The following XKR9 variants were observed in gnomAD, a reference collection of about 807,000 sequenced individuals.
XKR9 encodes the protein XK related 9.
A neutral mutation model predicts 32.0 loss-of-function variants in XKR9; 32 were observed. The ratio of observed to expected loss-of-function variants is 1.00; its 90% CI spans 0.76 to 1.34. The LOEUF (loss-of-function observed/expected upper bound fraction) is 1.34. Among genes scored for constraint, XKR9 ranks in the 40% most tolerant of loss-of-function variants. XKR9 has a pLI of 0.00. For missense variants in XKR9, 546 were observed against 429.7 expected (o/e 1.27, Z -2.39); for synonymous variants, 168 against 143.4 (o/e 1.17, Z -1.22).
At chr8:70,897,926 A>C in the XKR9 span, among the ~76,000 whole-genome samples, 2 of 152,196 alleles carry the variant, frequency 1.3e-5, no homozygotes, top group African/African-American at 4.8e-5. Flanking sequence ...GATATTACTC[A>C]AGAAATGTAA....
chr8:70,928,761 C>T, the XKR9 span, among the ~76,000 whole-genome samples: 1 of 152,170 alleles, frequency 6.6e-6, no homozygotes. Flanking sequence ...AGCTTGTTCT[C>T]ATCTCCCAGC....
intron 3 of XKR9, among the ~76,000 whole-genome samples, chr8:70,692,805 C>G (rs932809791): frequency 1.3e-5 from 2 of 152,106 alleles, no homozygotes; most frequent in African/African-American, 4.8e-5. Context: ...GTCTCAAACT[C>G]CCGACCTCAG....
chr8:70,936,976 A>G, the XKR9 span, among the ~76,000 whole-genome samples: 1 of 152,016 alleles, frequency 6.6e-6, no homozygotes, highest in African/African-American at 2.4e-5. Context: ...AGGAATAGAA[A>G]TGGGACATAC....
At chr8:70,704,698 G>T (rs762137493) in intron 3 of XKR9, among the ~76,000 whole-genome samples, 7 of 152,102 alleles carry the variant, frequency 4.6e-5, no homozygotes, top group Non-Finnish European at 8.8e-5. Flanking sequence ...GTTTATACTT[G>T]TGAATTTCTC....
the XKR9 span, among the ~76,000 whole-genome samples, chr8:70,942,650 T>C: frequency 6.6e-6 from 1 of 152,168 alleles, no homozygotes; most frequent in African/African-American, 2.4e-5. Context: ...ACACTTACTT[T>C]ATTGACCATG....
chr8:70,717,160 G>C (rs762048400), intron 4 of XKR9, among the ~76,000 whole-genome samples: 1 of 152,160 alleles, frequency 6.6e-6, no homozygotes, highest in Non-Finnish European at 1.5e-5. Flanking sequence ...TCCTGGCCTG[G>C]CATTGAGTGT....
intron 2 of XKR9, among the ~76,000 whole-genome samples, chr8:70,749,692 G>A (rs571769849): frequency 2.8e-4 from 43 of 152,298 alleles, no homozygotes; most frequent in Middle Eastern, 3.4e-3. Context: ...TGAGTTGAGC[G>A]CAGCTTGCCA....
the XKR9 span, among the ~76,000 whole-genome samples, chr8:70,944,518 C>T: frequency 6.6e-6 from 1 of 152,200 alleles, no homozygotes; most frequent in Non-Finnish European, 1.5e-5. Flanking sequence ...GGGATCATCT[C>T]TACAAATACA....
chr8:70,813,446 G>A, the XKR9 span, among the ~76,000 whole-genome samples: 1 of 152,054 alleles, frequency 6.6e-6, no homozygotes. Context: ...CAAACATGAT[G>A]CAATTAAACT....
At chr8:70,704,428 T>C (rs1042433052) in intron 3 of XKR9, among the ~76,000 whole-genome samples, 1 of 152,162 alleles carries the variant, frequency 6.6e-6, no homozygotes, top group African/African-American at 2.4e-5. Context: ...AAGAGACACT[T>C]AACATGTGCC....
the XKR9 span, among the ~76,000 whole-genome samples, chr8:70,869,477 T>C: frequency 2.0e-5 from 3 of 152,140 alleles, no homozygotes; most frequent in South Asian, 6.2e-4. Context: ...ATGAGACTTA[T>C]TCACTATCAG....
At chr8:70,903,063 G>T in the XKR9 span, among the ~76,000 whole-genome samples, 4 of 152,030 alleles carry the variant, frequency 2.6e-5, no homozygotes, top group Admixed American at 1.3e-4. Context: ...GAAGATTTTT[G>T]CATTGATGTT....
intron 4 of XKR9, among the ~76,000 whole-genome samples, chr8:70,722,999 TC>T (rs1291906301): frequency 6.6e-6 from 1 of 151,970 alleles, no homozygotes; most frequent in Non-Finnish European, 1.5e-5. Context: ...TCATTCCTTT[TC>T]ATTTTGTTTT....
the XKR9 span, among the ~76,000 whole-genome samples, chr8:70,920,376 C>A: frequency 1.3e-5 from 2 of 152,118 alleles, no homozygotes; most frequent in South Asian, 4.2e-4. Flanking sequence ...CCCCTCCTTA[C>A]AAAGCATATT....
intron 2 of XKR9, among the ~76,000 whole-genome samples, chr8:70,770,273 C>G (rs2130230344): frequency 6.6e-6 from 1 of 152,292 alleles, no homozygotes; most frequent in South Asian, 2.1e-4. Context: ...CCAGTGGAGG[C>G]TGCAGAACAG....
the XKR9 span, among the ~76,000 whole-genome samples, chr8:70,990,871 G>A: frequency 1.2e-3 from 179 of 152,302 alleles, no homozygotes; most frequent in Non-Finnish European, 6.8e-4. Context: ...AATGGGTATG[G>A]AGACTCACCC....
chr8:70,780,426 G>A (rs773005527), intron 2 of XKR9, among the ~76,000 whole-genome samples: 5 of 151,846 alleles, frequency 3.3e-5, no homozygotes, highest in Admixed American at 6.6e-5. Flanking sequence ...GGCATATTGT[G>A]TTCTCATTAT....
chr8:70,851,395 C>G, the XKR9 span, among the ~76,000 whole-genome samples: 1 of 152,162 alleles, frequency 6.6e-6, no homozygotes, highest in Non-Finnish European at 1.5e-5. Flanking sequence ...TCCCATAAAG[C>G]TACCATTGAC....
At chr8:70,836,627 T>C in the XKR9 span, among the ~76,000 whole-genome samples, 1 of 152,096 alleles carries the variant, frequency 6.6e-6, no homozygotes, top group Non-Finnish European at 1.5e-5. Flanking sequence ...GGTTTTTTTT[T>C]GCTTAGTTAT....
Sources: allele counts gnomAD v4.1 joint callset (sites outside exome capture counted in the v4.1 genomes callset), GRCh38; gene constraint gnomAD v4.1.1; transcripts MANE v1.5; gene names NCBI Gene and HGNC (gene_info 2026-07-23, HGNC 2026-07-21).